The following DLGAP4 variants were observed in gnomAD, a reference collection of about 807,000 sequenced individuals.
DLGAP4 encodes the protein disks large-associated protein 4.
Under a neutral mutation model 86.9 loss-of-function variants are expected in DLGAP4, and 18 were observed. The observed-to-expected ratio is 0.21, with a 90% CI of 0.14 to 0.31. The LOEUF (loss-of-function observed/expected upper bound fraction) is 0.31. Ranked by LOEUF, DLGAP4 falls within the 10% of genes least tolerant of loss-of-function variation. The pLI is 1.00. For missense variants in DLGAP4, 1,085 were observed against 1,362.6 expected, an observed-to-expected ratio of 0.80 and a Z score of 3.21; for synonymous variants, 548 against 574.3, an observed-to-expected ratio of 0.95 and a Z score of 0.65.
chr20:36,372,236 T>G (rs1395638671), intron 2 of DLGAP4, among the ~76,000 whole-genome samples: 3 of 152,210 alleles, frequency 2.0e-5, no homozygotes, highest in Non-Finnish European at 4.4e-5. Flanking sequence ...TGACTGTGAC[T>G]GCTAAAGGTG....
rs146174430 is a variant in DLGAP4, at chr20:36,476,263, G to A, written c.1649-20442G>A. 7.2e-3 allele frequency among the ~76,000 whole-genome samples: 1,071 copies of A among 149,290 alleles called. 14 individuals carry two copies. The highest frequency in any genetic ancestry group is 0.025 in the African/African-American group (1,005 of 40,318). ...CTTCATCTTCCCAAACTGAAACTCCGTGCCTATTAAACACTAACTCCCCAT... is the reference window on the plus strand; with the variant it reads ...CTTCATCTTCCCAAACTGAAACTCCATGCCTATTAAACACTAACTCCCCAT... On this transcript the variant is annotated intron_variant, in intron 7 of 12. Transcript: ENST00000339266.
intron 7 of DLGAP4, among the ~76,000 whole-genome samples, chr20:36,458,655 C>T (rs374958610): frequency 9.2e-5 from 14 of 151,830 alleles, no homozygotes; most frequent in Admixed American, 6.6e-4. Flanking sequence ...GCCGAGATTG[C>T]GCCACTGCAC....
chr20:36,349,363 A>T (rs558763960), intron 1 of DLGAP4, among the ~76,000 whole-genome samples: 1 of 150,954 alleles, frequency 6.6e-6, no homozygotes, highest in Non-Finnish European at 1.5e-5. Flanking sequence ...GCTTGCAGTG[A>T]GCCGAGATCA....
chr20:36,527,212 G>A lies in DLGAP4; in HGVS notation c.*181G>A. On this transcript the variant is annotated 3_prime_UTR_variant, in exon 13 of 13. Transcript: ENST00000339266. ...TTTTTTGGGTCCCTCCCAGCTTTAG[G>A]TTATGAAGATTTTACTCACAAAAAA... 2.0e-6 allele frequency: 1 copy of A among 506,156 alleles called. No homozygotes were observed. Among genetic ancestry groups the A allele is most frequent in the Non-Finnish European group, 3.4e-6 (1 of 296,738 alleles). The allele number at this position is 506,156 out of a possible 1,614,324, so 31.4% of individuals were successfully genotyped here.
At chr20:36,400,799 CAG>C (rs1245488849) in intron 2 of DLGAP4, among the ~76,000 whole-genome samples, 1 of 150,634 alleles carries the variant, frequency 6.6e-6, no homozygotes, top group African/African-American at 2.5e-5. Context: ...GTGCCTGGAA[CAG>C]GGGAATGGGA....
chr20:36,525,801 A>C, intron 11 of DLGAP4, 50 bp from the exon 12 acceptor site: 7 of 1,602,090 alleles, frequency 4.4e-6, no homozygotes, highest in Non-Finnish European at 5.9e-6. Flanking sequence ...TGGGGGGAGC[A>C]GGACAAGCCT....
intron 2 of DLGAP4, among the ~76,000 whole-genome samples, chr20:36,420,063 C>T (rs1181883076): frequency 6.6e-6 from 1 of 152,196 alleles, no homozygotes; most frequent in African/African-American, 2.4e-5. Flanking sequence ...AAGGATCACA[C>T]ACAGCTCTCC....
Position 36,504,898 on chromosome 20 carries a change from C to A in DLGAP4, c.2512+4287C>A, listed in dbSNP as rs903614563. 4.6e-5 allele frequency among the ~76,000 whole-genome samples: 7 copies of A among 152,190 alleles called. No individual in the cohort carries two copies. The South Asian group carries it at 1.2e-3, about 27-fold the overall frequency. On this transcript the variant is annotated intron_variant, in intron 10 of 12. Transcript: ENST00000339266. Reference sequence around the variant, plus strand: ...TCCTTTATATATTATGGGTGCTAGACCCTCATCATATATATGATTTGCAGA... The same window carrying A: ...TCCTTTATATATTATGGGTGCTAGAACCTCATCATATATATGATTTGCAGA...
At chr20:36,449,043 C>T (rs527590033) in intron 7 of DLGAP4, among the ~76,000 whole-genome samples, 2 of 152,310 alleles carry the variant, frequency 1.3e-5, no homozygotes, top group Admixed American at 6.5e-5. Context: ...TCCTTGTTCA[C>T]CTCTGTTTCT....
intron 7 of DLGAP4, among the ~76,000 whole-genome samples, chr20:36,453,692 G>A (rs896923343): frequency 1.3e-5 from 2 of 152,022 alleles, no homozygotes; most frequent in Non-Finnish European, 2.9e-5. Context: ...CAACACTTTG[G>A]GAAGCTGAGG....
intron 1 of DLGAP4, among the ~76,000 whole-genome samples, chr20:36,311,722 A>T (rs1700115717): frequency 6.6e-6 from 1 of 152,140 alleles, no homozygotes; most frequent in African/African-American, 2.4e-5. Context: ...ATGGAAGAGG[A>T]AACTGGGGCA....
chr20:36,496,726 A>G lies in DLGAP4; in HGVS notation c.1670A>G (p.Tyr557Cys), dbSNP rs1468260654. 3 of 1,607,256 alleles carry G rather than the reference A, an allele frequency of 1.9e-6. No individual in the cohort carries two copies. Among genetic ancestry groups the G allele is most frequent in the Non-Finnish European group, 2.6e-6 (3 of 1,174,290 alleles). The part of the protein sequence containing the change: ...TLPSSSCLVA[Y>C]KKTPPPVPPR... ...GCAGGTTCATCATGCCTAGTGGCGT[A>G]TAAGAAGACCCCGCCACCGGTCCCT... The change falls in exon 8 of 13, where the codon TAT becomes TGT. Residue 557 changes from tyrosine (Y) to cysteine (C), a missense_variant. Transcript: ENST00000339266.
At chr20:36,379,631 G>T (rs539134989) in intron 2 of DLGAP4, among the ~76,000 whole-genome samples, 3 of 152,290 alleles carry the variant, frequency 2.0e-5, no homozygotes, top group African/African-American at 7.2e-5. Flanking sequence ...GGTGCTGGTT[G>T]TGGGGAGGGG....
At chr20:36,426,341 C>T (rs8118188) in intron 2 of DLGAP4, among the ~76,000 whole-genome samples, 3 of 152,226 alleles carry the variant, frequency 2.0e-5, no homozygotes, top group African/African-American at 7.2e-5. Context: ...ATGGTGAAAC[C>T]CGTTCTCCAC....
chr20:36,344,968 A>G (rs1250607872), intron 1 of DLGAP4, among the ~76,000 whole-genome samples: 1 of 152,182 alleles, frequency 6.6e-6, no homozygotes, highest in Non-Finnish European at 1.5e-5. Context: ...GGGCCTTGCC[A>G]TCACCATGGA....
At chr20:36,504,060 T>C (rs2036259819) in intron 10 of DLGAP4, among the ~76,000 whole-genome samples, 1 of 152,232 alleles carries the variant, frequency 6.6e-6, no homozygotes, top group Admixed American at 6.5e-5. Context: ...TAGGTCAAAC[T>C]TCGATTTTTG....
At chr20:36,483,815 AC>A (rs2035293997) in intron 7 of DLGAP4, among the ~76,000 whole-genome samples, 1 of 152,256 alleles carries the variant, frequency 6.6e-6, no homozygotes, top group African/African-American at 2.4e-5. Flanking sequence ...GGGGTTCTGC[AC>A]CAGCGGTCAC....
intron 7 of DLGAP4, chr20:36,462,484 T>C (rs1421057229): frequency 6.3e-7 from 1 of 1,578,906 alleles, no homozygotes; most frequent in Non-Finnish European, 8.6e-7. Flanking sequence ...TAGCCCCCTG[T>C]CTCCCCTTCT....
At chr20:36,343,297 C>G (rs536466623) in intron 1 of DLGAP4, among the ~76,000 whole-genome samples, 1 of 152,288 alleles carries the variant, frequency 6.6e-6, no homozygotes, top group East Asian at 1.9e-4. Flanking sequence ...AAGACCCAAG[C>G]CTGGGAGCTA....
Sources: gnomAD v4.1 joint callset for allele counts (sites outside exome capture counted in the v4.1 genomes callset) on GRCh38, gnomAD v4.1.1 for gene constraint, MANE v1.5 for transcripts, NCBI Gene and HGNC (gene_info 2026-07-23, HGNC 2026-07-21) for gene names.